Variants in SLC38A12 observed in about 807,000 individuals in gnomAD.
The protein encoded by SLC38A12 is solute carrier family 38 member 12, also known as putative sodium-coupled neutral amino acid transporter 12.
chr17:74,832,470 C>T, the SLC38A12 span, among the ~76,000 whole-genome samples: 2 of 152,370 alleles, frequency 1.3e-5, no homozygotes, highest in East Asian at 3.9e-4. Flanking sequence ...CTGGTCCTCA[C>T]CCCTGTTTTG....
the SLC38A12 span, among the ~76,000 whole-genome samples, chr17:74,819,132 C>T: frequency 6.6e-6 from 1 of 152,240 alleles, no homozygotes; most frequent in Non-Finnish European, 1.5e-5. Flanking sequence ...TTTCCTTGGT[C>T]ATCCCGGGTA....
chr17:74,813,816 C>T, the SLC38A12 span, among the ~76,000 whole-genome samples: 1 of 152,188 alleles, frequency 6.6e-6, no homozygotes, highest in African/African-American at 2.4e-5. Flanking sequence ...TCTCCCCTTT[C>T]TACCAGGGAA....
the SLC38A12 span, among the ~76,000 whole-genome samples, chr17:74,806,785 C>G: frequency 1.3e-5 from 2 of 152,154 alleles, no homozygotes; most frequent in Non-Finnish European, 2.9e-5. Context: ...TGATCTCCCC[C>G]TACCCCTGTC....
the SLC38A12 span, among the ~76,000 whole-genome samples, chr17:74,829,421 A>T: frequency 6.6e-6 from 1 of 152,072 alleles, no homozygotes; most frequent in Admixed American, 6.5e-5. This position sits in a 1 kb window ranked among gnomAD's most constrained non-coding sequence, Gnocchi z 4.1. Context: ...TGTGTTTTAC[A>T]CCTGAGCACA....
At chr17:74,795,597 C>A in the SLC38A12 span, 3 of 1,613,970 alleles carry the variant, frequency 1.9e-6, no homozygotes, top group South Asian at 2.2e-5. Flanking sequence ...GTGCTGGGGG[C>A]CCCTGCGCCG....
At chr17:74,836,060 C>T in the SLC38A12 span, 20 of 1,613,596 alleles carry the variant, frequency 1.2e-5, no homozygotes, top group East Asian at 3.3e-4. The surrounding 1 kb of genome is among the most constrained non-coding windows in gnomAD (Gnocchi z 4.2). Flanking sequence ...TGTGCCAGCA[C>T]TCTCTGCCAT....
At chr17:74,837,617 A>C in the SLC38A12 span, 1 of 985,434 alleles carries the variant, frequency 1.0e-6, no homozygotes, top group Non-Finnish European at 1.2e-6. Context: ...TCCAACACTA[A>C]AAGCGGCTCC....
the SLC38A12 span, among the ~76,000 whole-genome samples, chr17:74,818,263 G>A: frequency 2.8e-4 from 42 of 152,226 alleles, no homozygotes; most frequent in African/African-American, 8.7e-4. Context: ...CATCCCCCAA[G>A]CCTGATAGAA....
the SLC38A12 span, chr17:74,789,021 T>G: frequency 1.5e-6 from 1 of 647,692 alleles, no homozygotes. Context: ...TGAAGCTTAA[T>G]AGCCACCTAA....
chr17:74,836,327 C>G, the SLC38A12 span: 4 of 1,612,980 alleles, frequency 2.5e-6, no homozygotes, highest in Non-Finnish European at 3.4e-6. This position sits in a 1 kb window ranked among gnomAD's most constrained non-coding sequence, Gnocchi z 4.2. Flanking sequence ...TGACCCTGCG[C>G]AACAACTGGA....
At chr17:74,778,819 C>T in the SLC38A12 span, among the ~76,000 whole-genome samples, 17 of 152,078 alleles carry the variant, frequency 1.1e-4, no homozygotes, top group African/African-American at 3.9e-4. Flanking sequence ...CAGGCATGCA[C>T]CACCCTGCCC....
chr17:74,789,629 T>C, the SLC38A12 span, among the ~76,000 whole-genome samples: 1 of 151,644 alleles, frequency 6.6e-6, no homozygotes, highest in African/African-American at 2.4e-5. Context: ...GTGGATCACC[T>C]GAGGTCAGGA....
At chr17:74,839,298 A>G in the SLC38A12 span, 1 of 962,576 alleles carries the variant, frequency 1.0e-6, no homozygotes, top group South Asian at 1.8e-5. Context: ...AGCCTCGGCA[A>G]CAGGCAAAGG....
the SLC38A12 span, among the ~76,000 whole-genome samples, chr17:74,809,726 A>G: frequency 1.3e-5 from 2 of 152,138 alleles, no homozygotes; most frequent in Non-Finnish European, 2.9e-5. Context: ...CTGGCCCCCC[A>G]GGTCCAAGGG....
At chr17:74,803,909 AT>A in the SLC38A12 span, among the ~76,000 whole-genome samples, 10 of 152,100 alleles carry the variant, frequency 6.6e-5, no homozygotes, top group Non-Finnish European at 1.0e-4. Context: ...TTTATTTTTT[AT>A]TTTTTTCTTC....
chr17:74,779,518 T>C, the SLC38A12 span, among the ~76,000 whole-genome samples: 1 of 152,172 alleles, frequency 6.6e-6, no homozygotes, highest in African/African-American at 2.4e-5. Context: ...AGAAGACACC[T>C]TCTTCCTAAG....
chr17:74,803,068 T>A, the SLC38A12 span, among the ~76,000 whole-genome samples: 2 of 152,188 alleles, frequency 1.3e-5, no homozygotes, highest in Non-Finnish European at 2.9e-5. Context: ...TCCAAAGGTA[T>A]GAAATAAATT....
chr17:74,836,463 G>C, the SLC38A12 span: 1 of 1,608,438 alleles, frequency 6.2e-7, no homozygotes, highest in African/African-American at 1.3e-5. This position sits in a 1 kb window ranked among gnomAD's most constrained non-coding sequence, Gnocchi z 4.2. Flanking sequence ...GTCCCTGGTG[G>C]GCATCACAGG....
chr17:74,778,452 T>G, the SLC38A12 span, among the ~76,000 whole-genome samples: 1 of 152,138 alleles, frequency 6.6e-6, no homozygotes, highest in Non-Finnish European at 1.5e-5. Flanking sequence ...ATCTCTGGTC[T>G]GTTTCTGCTA....
Sources: gnomAD v4.1 joint callset for allele counts (sites outside exome capture counted in the v4.1 genomes callset) on GRCh38, gnomAD v4.1.1 for gene constraint, Gnocchi (gnomAD v3.1) non-coding constraint, MANE v1.5 for transcripts, NCBI Gene and HGNC (gene_info 2026-07-23, HGNC 2026-07-21) for gene names.